OLFM1: variants seen among roughly 807,000 people sequenced by gnomAD.
OLFM1 encodes the protein noelin.
Under a neutral mutation model 49.7 loss-of-function variants are expected in OLFM1, and 9 were observed. The observed-to-expected ratio is 0.18, with a 90% CI of 0.11 to 0.32. The LOEUF is 0.32. OLFM1 is among the 10% of genes least tolerant of loss of function. The pLI is 1.00. For missense variants in OLFM1, 369 were observed against 661.8 expected (o/e 0.56, Z 4.85); for synonymous variants, 240 against 271.8 (o/e 0.88, Z 1.15).
At chr9:135,096,255 TC>T (rs1830795445) in intron 3 of OLFM1, among the ~76,000 whole-genome samples, 16 of 120,386 alleles carry the variant, frequency 1.3e-4, no homozygotes, top group South Asian at 3.2e-4. Flanking sequence ...CTCTTCCTCC[TC>T]CCTCTCCTTC....
chr9:135,106,708 G>A lies in OLFM1; in HGVS notation c.677-41G>A, dbSNP rs199518871. The A allele has an allele frequency of 1.4e-4, 221 of 1,570,970 alleles. 2 individuals are homozygous for A. In the East Asian group the frequency reaches 4.9e-3, roughly 35 times the overall value. On this transcript the variant is annotated intron_variant, in intron 4 of 5. Coordinates refer to ENST00000371793, the MANE Select transcript of OLFM1 (RefSeq NM_001282611.2). The stretch of plus-strand genomic sequence containing the variant: ...GTCAGGGTCATCACCGCGGGCCGGG[G>A]CCCCCGCCCTCCCTCTCCTGACCTG...
At chr9:135,086,635 T>G (rs1830600614), upstream of OLFM1, 2 of 455,956 alleles carry the variant, frequency 4.4e-6, no homozygotes, top group Non-Finnish European at 8.8e-6. Context: ...GTGGCTTTCA[T>G]CTCCGATTAG....
chr9:135,109,087 C>T (rs1290948247), intron 5 of OLFM1, among the ~76,000 whole-genome samples: 1 of 152,162 alleles, frequency 6.6e-6, no homozygotes, highest in East Asian at 1.9e-4. Flanking sequence ...GGCTGGACTG[C>T]TCTGTCTGTA....
intron 3 of OLFM1, among the ~76,000 whole-genome samples, chr9:135,097,579 G>A (rs1830817334): frequency 6.6e-6 from 1 of 152,110 alleles, no homozygotes; most frequent in Non-Finnish European, 1.5e-5. Context: ...CCTATACTGT[G>A]CTAAACCGCA....
At chr9:135,110,975 C>A (rs573805043) in intron 5 of OLFM1, among the ~76,000 whole-genome samples, 1 of 152,224 alleles carries the variant, frequency 6.6e-6, no homozygotes, top group African/African-American at 2.4e-5. Flanking sequence ...GCATTTGGGA[C>A]GGCAGTGCCA....
At chr9:135,096,608 G>T (rs149373124) in intron 3 of OLFM1, among the ~76,000 whole-genome samples, 2 of 152,240 alleles carry the variant, frequency 1.3e-5, no homozygotes, top group South Asian at 4.1e-4. Context: ...AGGGGTCTGA[G>T]ATCCTGCGCT....
At chr9:135,085,558 A>G (rs1588203520), upstream of OLFM1, among the ~76,000 whole-genome samples, 2 of 152,262 alleles carry the variant, frequency 1.3e-5, no homozygotes, top group Non-Finnish European at 2.9e-5. Flanking sequence ...CCCCAGTGCC[A>G]CCAGGGGCGC....
chr9:135,118,623 G>A (rs567013799), intron 5 of OLFM1, among the ~76,000 whole-genome samples: 1 of 148,748 alleles, frequency 6.7e-6, no homozygotes. Flanking sequence ...GGTCTTTGGA[G>A]TACTCACTGG....
chr9:135,120,064 C>T lies in OLFM1; in HGVS notation c.1344C>T (p.His448=). The T allele has an allele frequency of 6.2e-7, 1 of 1,614,140 alleles. No individual in the cohort carries two copies. The highest frequency in any genetic ancestry group is 8.5e-7 in the Non-Finnish European group (1 of 1,180,036). ...TCCCATTCCAGAACAAATACTCCCACATCTCCATGCTGGACTACAACCCCA... is the reference window on the plus strand; with the variant it reads ...TCCCATTCCAGAACAAATACTCCCATATCTCCATGCTGGACTACAACCCCA... The part of the protein sequence containing the change: ...IDIPFQNKYS[H]ISMLDYNPKD... Residue 448 remains histidine (H), a synonymous_variant, in exon 6 of 6, where the codon CAC becomes CAT. Coordinates refer to ENST00000371793, the MANE Select transcript of OLFM1 (RefSeq NM_001282611.2).
intron 4 of OLFM1, among the ~76,000 whole-genome samples, chr9:135,102,068 C>A (rs992238502): frequency 1.3e-5 from 2 of 152,210 alleles, no homozygotes; most frequent in African/African-American, 4.8e-5. Context: ...AGCCCGCTGG[C>A]TCCAGCTTCA....
chr9:135,082,283 C>T (rs560991207), intron 1 of OLFM1, among the ~76,000 whole-genome samples: 138 of 152,270 alleles, frequency 9.1e-4, no homozygotes, highest in African/African-American at 2.9e-3. Flanking sequence ...TTCACAGCAT[C>T]GCTTTGGGCC....
chr9:135,075,852 C>G (rs1419009816), intron 1 of OLFM1: 2 of 1,525,464 alleles, frequency 1.3e-6, no homozygotes, highest in East Asian at 4.9e-5. Context: ...CCGGCCCGGC[C>G]CCTCGGGAGC....
At chr9:135,108,478 C>T (rs12337666) in intron 5 of OLFM1, among the ~76,000 whole-genome samples, 7,747 of 151,760 alleles carry the variant, frequency 0.051, 635 homozygotes, top group African/African-American at 0.18. Context: ...TCTAAAAATG[C>T]AAAAATTAGC....
chr9:135,091,737 A>G (rs1410850635), intron 2 of OLFM1, among the ~76,000 whole-genome samples: 1 of 146,682 alleles, frequency 6.8e-6, no homozygotes. Flanking sequence ...ATAGTCACAC[A>G]CACCCACACA....
chr9:135,090,466 A>C (rs1830669946), intron 2 of OLFM1, 122 bp downstream of exon 2: 4 of 993,390 alleles, frequency 4.0e-6, no homozygotes, highest in African/African-American at 1.6e-5. Flanking sequence ...CCCCATTTTG[A>C]CTCTTTCCTG....
intron 5 of OLFM1, 51 bp downstream of exon 5, chr9:135,106,906 G>A: frequency 7.1e-7 from 1 of 1,415,330 alleles, no homozygotes. Context: ...GGCGCTCTCG[G>A]ACACCTGGTG....
At position 135,110,100 on chromosome 9, in the gene OLFM1, G is replaced by A. The variant is rs80314903; in HGVS notation, c.783+3245G>A. 6.1e-4 allele frequency among the ~76,000 whole-genome samples: 93 copies of A among 152,140 alleles called. No homozygotes were observed. The East Asian group carries it at 0.015, about 24-fold the overall frequency. On this transcript the variant is annotated intron_variant, in intron 5 of 5. Transcript: ENST00000371793. ...CCCCACAGCCCCTCCTTTCCTTCCC[G>A]CCCGTCCCATTGCCTCAGTGTTGGA...
rs1424907258 is a variant in OLFM1 at position 135,077,161 on chromosome 9, C to T, written c.96+1359C>T. Reference sequence around the variant, plus strand: ...GCATTCATTCATGTGCACACACACACACACACATGCACACACAGGGGAGCA... The same window carrying T: ...GCATTCATTCATGTGCACACACACATACACACATGCACACACAGGGGAGCA... On this transcript the variant is annotated intron_variant, in intron 1 of 5. Transcript: ENST00000252854. 8 of 1,547,020 alleles carry T rather than the reference C, an allele frequency of 5.2e-6. No homozygotes were observed. In the Admixed American group the frequency reaches 1.6e-4, roughly 30 times the overall value.
At position 135,120,399 on chromosome 9, in the gene OLFM1, G is replaced by A. The variant is rs755198633; in HGVS notation, c.*221G>A. 1.7e-5 allele frequency: 10 copies of A among 579,822 alleles called. No individual in the cohort carries two copies. The highest frequency in any genetic ancestry group is 3.0e-5 in the Non-Finnish European group (10 of 328,720). 35.9% of individuals were successfully genotyped at this position (579,822 alleles called of 1,614,324 possible). Reference sequence around the variant, plus strand: ...AACTCCCGTATTTGCAGCTGGAACTGCAGCCCACGGCGCCCCGGTTTTCCT... The same window carrying A: ...AACTCCCGTATTTGCAGCTGGAACTACAGCCCACGGCGCCCCGGTTTTCCT... On this transcript the variant is annotated 3_prime_UTR_variant, in exon 6 of 6. Transcript: ENST00000371793.
Sources: gnomAD v4.1 joint callset for allele counts (sites outside exome capture counted in the v4.1 genomes callset) on GRCh38, gnomAD v4.1.1 for gene constraint, MANE v1.5 for transcripts, NCBI Gene and HGNC (gene_info 2026-07-23, HGNC 2026-07-21) for gene names.